Variants in VWA5A observed in about 807,000 individuals in gnomAD.
The protein encoded by VWA5A is von Willebrand factor A domain-containing protein 5A.
VWA5A carries 77 observed loss-of-function variants against 84.6 expected under a neutral mutation model. That is an observed-to-expected ratio of 0.91 (90% confidence interval 0.76 to 1.10). The LOEUF is 1.10. Among genes scored for constraint, VWA5A ranks in the 50% least tolerant of loss-of-function variants. The probability of loss-of-function intolerance (pLI) is 0.00; values close to 1 mark genes in which losing one functional copy is unlikely to be tolerated. For synonymous variants in VWA5A, 334 were observed against 350.1 expected, an observed-to-expected ratio of 0.95 and a Z score of 0.51; for missense variants, 973 against 963.0, an observed-to-expected ratio of 1.01 and a Z score of -0.14.
intron 16 of VWA5A, 37 bp downstream of exon 16, chr11:124,141,778 T>C (rs1297962710): frequency 6.2e-7 from 1 of 1,607,950 alleles, no homozygotes. Context: ...TCAACAATGT[T>C]TTTCTGTCAC....
rs545508399 is a variant in VWA5A, at chr11:124,130,062, TTG to T, written c.1245-4855_1245-4854del. On this transcript the variant is annotated intron_variant, in intron 11 of 18. Coordinates refer to ENST00000456829, the MANE Select transcript of VWA5A (RefSeq NM_001130142.2). ...CTCTTGCTTCTCTAGTTCTATTTAA[TTG>T]TGATGTTAGGGTGTCGATTTTAGAT... Among the ~76,000 whole-genome samples the T allele has an allele frequency of 6.3e-3, 952 of 152,310 alleles. 10 individuals carry two copies. Among genetic ancestry groups the T allele is most frequent in the Non-Finnish European group, 7.0e-3 (475 of 68,026 alleles).
intron 12 of VWA5A, among the ~76,000 whole-genome samples, chr11:124,135,363 G>A (rs554508034): frequency 3.9e-5 from 6 of 152,196 alleles, no homozygotes; most frequent in Admixed American, 6.5e-5. Context: ...CTAGGTCTGC[G>A]CTTTAGAACC....
chr11:124,128,413 T>C (rs1052069629), intron 11 of VWA5A, among the ~76,000 whole-genome samples: 1 of 152,254 alleles, frequency 6.6e-6, no homozygotes, highest in African/African-American at 2.4e-5. Context: ...TTGGTTACTG[T>C]AGCCTTGTAG....
Position 124,145,352 on chromosome 11 carries a change from G to A in VWA5A, c.2270G>A (p.Arg757His), listed in dbSNP as rs144882371. 8,615 of 1,612,632 alleles carry A rather than the reference G, an allele frequency of 5.3e-3. 430 individuals are homozygous for A. In the South Asian group the frequency reaches 0.087, roughly 16 times the overall value. ...LLERKAVAWM[R>H]AHAGSTMPSV... ...GAAAGGAAGGCCGTGGCCTGGATGC[G>A]TGCCCATGCAGGTAGGAGCACAATC... The change falls in exon 18 of 19, where the codon CGT becomes CAT. Residue 757 changes from arginine (R) to histidine (H), a missense_variant. Coordinates refer to ENST00000456829, the MANE Select transcript of VWA5A (RefSeq NM_001130142.2).
At chr11:124,117,585 T>C in intron 3 of VWA5A, 31 bp downstream of exon 3, 1 of 1,614,016 alleles carries the variant, frequency 6.2e-7, no homozygotes, top group Non-Finnish European at 8.5e-7. Flanking sequence ...TTACTTGCCA[T>C]TGAATCTTTG....
intron 15 of VWA5A, among the ~76,000 whole-genome samples, chr11:124,139,661 AGTTT>A (rs1324195217): frequency 6.6e-6 from 1 of 151,020 alleles, no homozygotes; most frequent in Non-Finnish European, 1.5e-5. Flanking sequence ...AACTTTGCTG[AGTTT>A]GTTTATTCTA....
chr11:124,131,161 AT>A (rs903339505), intron 11 of VWA5A, among the ~76,000 whole-genome samples: 17 of 152,012 alleles, frequency 1.1e-4, no homozygotes, highest in African/African-American at 2.2e-4. Flanking sequence ...ATATGTACCA[AT>A]TTTTTTATAC....
At chr11:124,127,247 A>G (rs1264950739) in intron 11 of VWA5A, among the ~76,000 whole-genome samples, 2 of 151,840 alleles carry the variant, frequency 1.3e-5, no homozygotes, top group African/African-American at 2.4e-5. Flanking sequence ...ACTCCCACAT[A>G]TAAGTGAGAA....
At position 124,142,428 on chromosome 11, in the gene VWA5A, C is replaced by A. The variant is rs1345339159; in HGVS notation, c.2024-14C>A. Reference sequence around the variant, plus strand: ...CCACAATTTCTCATTCTTCTCTTTTCTTTCTCCTCAAAGGCTTTGGAGAGA... The same window carrying A: ...CCACAATTTCTCATTCTTCTCTTTTATTTCTCCTCAAAGGCTTTGGAGAGA... On this transcript the variant is annotated splice_polypyrimidine_tract_variant and intron_variant, in intron 16 of 18. Transcript: ENST00000456829. The A allele has an allele frequency of 6.2e-7, 1 of 1,613,338 alleles. No individual in the cohort carries two copies. The highest frequency in any genetic ancestry group is 8.5e-7 in the Non-Finnish European group (1 of 1,179,726).
At position 124,119,211 on chromosome 11, in the gene VWA5A, A is replaced by C. The variant is rs1864893057; in HGVS notation, c.760+122A>C. On this transcript the variant is annotated intron_variant, in intron 7 of 18. Transcript: ENST00000456829. ...GGTGGTTAATACATGTGAAACACTGAAATAGTTTACACTATGTCATGCAAA... is the reference window on the plus strand; with the variant it reads ...GGTGGTTAATACATGTGAAACACTGCAATAGTTTACACTATGTCATGCAAA... 7 of 887,964 alleles carry C rather than the reference A, an allele frequency of 7.9e-6. No individual in the cohort carries two copies. The Admixed American group carries it at 1.4e-4, about 18-fold the overall frequency. The allele number at this position is 887,964 out of a possible 1,614,324, so 55.0% of individuals were successfully genotyped here.
chr11:124,125,283 G>GT (rs60887785), intron 11 of VWA5A, among the ~76,000 whole-genome samples: 3,821 of 143,870 alleles, frequency 0.027, 104 homozygotes, highest in African/African-American at 0.077. Context: ...GTGTCTTATG[G>GT]TTTTTTTTTT....
In VWA5A at chr11:124,127,731, C is replaced by T. The variant is rs916989732; in HGVS notation, c.1244+3415C>T. On this transcript the variant is annotated intron_variant, in intron 11 of 18. Coordinates refer to ENST00000456829, the MANE Select transcript of VWA5A (RefSeq NM_001130142.2). ...TTTTAACTGGCGTGAGATGGTATCTCATTGTGGTTTTGATTTGCATTTCTC... is the reference window on the plus strand; with the variant it reads ...TTTTAACTGGCGTGAGATGGTATCTTATTGTGGTTTTGATTTGCATTTCTC... 5.9e-5 allele frequency among the ~76,000 whole-genome samples: 9 copies of T among 152,314 alleles called. No homozygotes were observed. In the South Asian group the frequency reaches 8.3e-4, roughly 14 times the overall value.
In VWA5A at chr11:124,141,823, T is replaced by TA. The variant is rs3216094; in HGVS notation, c.2023+83dup. 8.2e-4 allele frequency: 1,248 copies of TA among 1,516,500 alleles called. 23 individuals are homozygous for TA. The East Asian group carries it at 0.022, about 27-fold the overall frequency. The allele number at this position is 1,516,500 out of a possible 1,614,324, so 93.9% of individuals were successfully genotyped here. On this transcript the variant is annotated intron_variant, in intron 16 of 18. Transcript: ENST00000456829. Reference sequence around the variant, plus strand: ...ACTAGGCAAGCTAAAAGCTTGTAGTTACAGCTATGACAAGAGATGCATGTT... The same window carrying TA: ...ACTAGGCAAGCTAAAAGCTTGTAGTTAACAGCTATGACAAGAGATGCATGTT...
At position 124,147,552 on chromosome 11, in the gene VWA5A, T is replaced by G. The variant is rs78723711; in HGVS notation, c.*1607T>G. On this transcript the variant is annotated 3_prime_UTR_variant, in exon 19 of 19. Transcript: ENST00000456829. Reference sequence around the variant, plus strand: ...CCAAGTTTGTTTATGCTGAATGTGATCTGCGGAACAGGGTTGTTAGAAATG... The same window carrying G: ...CCAAGTTTGTTTATGCTGAATGTGAGCTGCGGAACAGGGTTGTTAGAAATG... 1.8e-4 allele frequency: 28 copies of G among 152,342 alleles called. No homozygotes were observed. The East Asian group carries it at 5.2e-3, about 28-fold the overall frequency. 9.4% of individuals were successfully genotyped at this position (152,342 alleles called of 1,614,324 possible).
At chr11:124,119,340 A>G (rs1003869279) in intron 7 of VWA5A, among the ~76,000 whole-genome samples, 4 of 152,242 alleles carry the variant, frequency 2.6e-5, no homozygotes, top group African/African-American at 9.6e-5. Flanking sequence ...TTACAAGAGA[A>G]AACATGGCCA....
At chr11:124,137,891 C>G (rs940199515) in intron 15 of VWA5A, among the ~76,000 whole-genome samples, 1 of 152,194 alleles carries the variant, frequency 6.6e-6, no homozygotes, top group Admixed American at 6.5e-5. Context: ...CAGGGTCTCA[C>G]TCTGTTGCCG....
chr11:124,126,517 T>C (rs1156435349), intron 11 of VWA5A, among the ~76,000 whole-genome samples: 1 of 152,154 alleles, frequency 6.6e-6, no homozygotes, highest in Non-Finnish European at 1.5e-5. Flanking sequence ...TCCCAGCACT[T>C]TGGGAGGCCG....
intron 15 of VWA5A, 84 bp from the exon 16 acceptor site, chr11:124,141,514 G>C (rs1315967447): frequency 1.9e-6 from 3 of 1,538,578 alleles, no homozygotes; most frequent in Non-Finnish European, 2.6e-6. Flanking sequence ...GTGGATGGGG[G>C]GGTATGTATC....
chr11:124,132,372 T>G (rs1865109555), intron 11 of VWA5A, among the ~76,000 whole-genome samples: 1 of 152,108 alleles, frequency 6.6e-6, no homozygotes, highest in African/African-American at 2.4e-5. Flanking sequence ...GTTGCCTTTT[T>G]TCCTTGCTCC....
Sources: allele counts gnomAD v4.1 joint callset (sites outside exome capture counted in the v4.1 genomes callset), GRCh38; gene constraint gnomAD v4.1.1; transcripts MANE v1.5; gene names NCBI Gene and HGNC (gene_info 2026-07-23, HGNC 2026-07-21).